DHRSX: variants seen among roughly 807,000 people sequenced by gnomAD.
DHRSX encodes polyprenol dehydrogenase.
Under a neutral mutation model 34.0 loss-of-function variants are expected in DHRSX, and 31 were observed. That is an observed-to-expected ratio of 0.91 (90% CI 0.69 to 1.23). The LOEUF is 1.23. DHRSX is among the 50% of genes most tolerant of loss of function. DHRSX has a pLI of 0.00. For synonymous variants in DHRSX, 201 were observed against 183.8 expected, an observed-to-expected ratio of 1.09 and a Z score of -0.76; for missense variants, 414 against 428.1, an observed-to-expected ratio of 0.97 and a Z score of 0.29.
chrX:2,360,420 T>TA (rs1378368075), intron 3 of DHRSX, among the ~76,000 whole-genome samples: 17 of 151,968 alleles, frequency 1.1e-4, no homozygotes, highest in Middle Eastern at 3.2e-3. Flanking sequence ...CTGTCTCTAC[T>TA]AAAAATACAA....
chrX:2,433,935 C>A lies in DHRSX; in HGVS notation c.110-8631G>T, dbSNP rs188018835. On this transcript the variant is annotated intron_variant, in intron 1 of 6. Coordinates refer to ENST00000334651, the MANE Select transcript of DHRSX (RefSeq NM_145177.3). ...GACTACAGGCGCCCGCCACCACGCC[C>A]GGCTAATTTTGTTTTTGTATTTTTA... 3.2e-3 allele frequency among the ~76,000 whole-genome samples: 491 copies of A among 152,138 alleles called. 2 individuals carry two copies. The highest frequency in any genetic ancestry group is 0.011 in the African/African-American group (465 of 41,528).
chrX:2,410,457 C>A (rs1270426834), intron 2 of DHRSX, among the ~76,000 whole-genome samples: 2 of 152,206 alleles, frequency 1.3e-5, no homozygotes, highest in East Asian at 3.8e-4. Context: ...CCAGCCCGGG[C>A]CAGTGAGGTG....
chrX:2,395,116 C>G (rs891734645), intron 3 of DHRSX, among the ~76,000 whole-genome samples: 1 of 152,140 alleles, frequency 6.6e-6, no homozygotes, highest in African/African-American at 2.4e-5. Flanking sequence ...GGGCCAAGGA[C>G]AGCCCGAGGT....
intron 1 of DHRSX, among the ~76,000 whole-genome samples, chrX:2,434,007 T>C (rs983647198): frequency 2.0e-5 from 3 of 152,168 alleles, no homozygotes; most frequent in Admixed American, 1.3e-4. Flanking sequence ...CTCGATCTCC[T>C]GATCTCGTGA....
chrX:2,254,964 CTT>C (rs769097084), intron 5 of DHRSX, among the ~76,000 whole-genome samples: 4 of 97,490 alleles, frequency 4.1e-5, no homozygotes, highest in Admixed American at 2.2e-4. Context: ...CCTTTTTTTT[CTT>C]TTTTTTTTTT....
At chrX:2,326,599 G>A (rs73630210) in intron 3 of DHRSX, among the ~76,000 whole-genome samples, 3,368 of 152,072 alleles carry the variant, frequency 0.022, 56 homozygotes, top group South Asian at 0.059. Context: ...TTTTACCTCC[G>A]GGAGCTCCAC....
chrX:2,262,907 C>G (rs2041383374), intron 5 of DHRSX, among the ~76,000 whole-genome samples: 1 of 152,216 alleles, frequency 6.6e-6, no homozygotes, highest in South Asian at 2.1e-4. Context: ...CTAGGAGGCC[C>G]CCACGGCCCT....
At chrX:2,349,812 C>A (rs186984533) in intron 3 of DHRSX, among the ~76,000 whole-genome samples, 1 of 150,966 alleles carries the variant, frequency 6.6e-6, no homozygotes, top group Admixed American at 6.6e-5. Context: ...GAGGCCGAGG[C>A]GGGCGGATCA....
At chrX:2,372,899 A>C (rs2043092537) in intron 3 of DHRSX, among the ~76,000 whole-genome samples, 1 of 152,116 alleles carries the variant, frequency 6.6e-6, no homozygotes, top group Non-Finnish European at 1.5e-5. Context: ...GGCGTCAGCC[A>C]CCGCGCCTGG....
At chrX:2,315,908 C>G (rs113091496) in intron 3 of DHRSX, among the ~76,000 whole-genome samples, 1 of 152,126 alleles carries the variant, frequency 6.6e-6, no homozygotes, top group African/African-American at 2.4e-5. Flanking sequence ...GTTGCCTAGG[C>G]TGGAGTGCAG....
chrX:2,320,864 T>C (rs917944680), intron 3 of DHRSX, among the ~76,000 whole-genome samples: 21 of 151,920 alleles, frequency 1.4e-4, no homozygotes, highest in African/African-American at 4.6e-4. Flanking sequence ...GAGGGTTAAG[T>C]GCAAGACAGC....
intron 3 of DHRSX, among the ~76,000 whole-genome samples, chrX:2,347,281 A>G (rs140178035): frequency 0.016 from 2,392 of 152,308 alleles, 71 homozygotes; most frequent in African/African-American, 0.054. Flanking sequence ...ACTCCCCTTT[A>G]TAATAACCAT....
chrX:2,409,288 A>C (rs1424462428), intron 2 of DHRSX, among the ~76,000 whole-genome samples: 1 of 151,874 alleles, frequency 6.6e-6, no homozygotes. Flanking sequence ...CTTTTTTTTA[A>C]TTCTACTTTA....
chrX:2,256,486 G>A (rs1259506837), intron 5 of DHRSX, among the ~76,000 whole-genome samples: 1 of 151,986 alleles, frequency 6.6e-6, no homozygotes, highest in Non-Finnish European at 1.5e-5. Flanking sequence ...AGTAGAGACG[G>A]GGTTTCCCCA....
intron 1 of DHRSX, among the ~76,000 whole-genome samples, chrX:2,469,562 G>A (rs185966821): frequency 9.9e-5 from 15 of 151,360 alleles, no homozygotes; most frequent in South Asian, 4.2e-4. Flanking sequence ...CCAAGGGACC[G>A]CCACCGTGTA....
At chrX:2,452,208 T>TC (rs1356187408) in intron 1 of DHRSX, among the ~76,000 whole-genome samples, 2 of 151,438 alleles carry the variant, frequency 1.3e-5, no homozygotes, top group East Asian at 3.9e-4. Flanking sequence ...CTGAAGATGT[T>TC]CCCAAAAAAT....
At chrX:2,288,361 G>A (rs1313734403) in intron 4 of DHRSX, among the ~76,000 whole-genome samples, 15 of 152,166 alleles carry the variant, frequency 9.9e-5, no homozygotes, top group African/African-American at 2.4e-4. Context: ...TCAGCCTCCC[G>A]AGTAGCTGGG....
intron 3 of DHRSX, among the ~76,000 whole-genome samples, chrX:2,345,808 A>T (rs2042701236): frequency 6.6e-6 from 1 of 152,132 alleles, no homozygotes; most frequent in Admixed American, 6.5e-5. Flanking sequence ...CAACAGATGG[A>T]CTTTGGACTC....
At chrX:2,252,973 C>CCTG (rs1251589333) in intron 5 of DHRSX, among the ~76,000 whole-genome samples, 1 of 152,118 alleles carries the variant, frequency 6.6e-6, no homozygotes, top group Non-Finnish European at 1.5e-5. Flanking sequence ...GTCGCTTGAG[C>CCTG]CCAGGAGTTC....
Sources: allele counts gnomAD v4.1 joint callset (sites outside exome capture counted in the v4.1 genomes callset), GRCh38; gene constraint gnomAD v4.1.1; transcripts MANE v1.5; gene names NCBI Gene and HGNC (gene_info 2026-07-23, HGNC 2026-07-21).